The following TENM2 variants were observed in gnomAD, a reference collection of about 807,000 sequenced individuals.
TENM2 encodes the protein teneurin transmembrane protein 2.
A neutral mutation model predicts 245.2 loss-of-function variants in TENM2; 52 were observed. That is an observed-to-expected ratio of 0.21 (90% CI 0.17 to 0.27). TENM2 has a LOEUF of 0.27. Among genes scored for constraint, TENM2 ranks in the 10% least tolerant of loss-of-function variants. The pLI is 1.00. For synonymous variants in TENM2, 1,363 were observed against 1,438.9 expected, an observed-to-expected ratio of 0.95 and a Z score of 1.19; for missense variants, 3,046 against 3,666.8, an observed-to-expected ratio of 0.83 and a Z score of 4.37.
chr5:167,079,069 A>G, the TENM2 span, among the ~76,000 whole-genome samples: 4 of 152,154 alleles, frequency 2.6e-5, no homozygotes, highest in East Asian at 7.7e-4. Context: ...TGCATGCTGG[A>G]TTATTCAAAT....
intron 3 of TENM2, among the ~76,000 whole-genome samples, chr5:167,883,107 G>C (rs978374581): frequency 5.3e-5 from 8 of 152,182 alleles, no homozygotes; most frequent in African/African-American, 1.9e-4. Context: ...GTTGAGAAGA[G>C]TGGTTTTGGT....
chr5:167,657,865 C>A (rs928234090), intron 2 of TENM2, among the ~76,000 whole-genome samples: 1 of 152,288 alleles, frequency 6.6e-6, no homozygotes, highest in East Asian at 1.9e-4. Flanking sequence ...CCTGATCTAG[C>A]AGAGCATGGA....
chr5:167,695,963 G>A (rs1757737885), intron 2 of TENM2, among the ~76,000 whole-genome samples: 1 of 151,896 alleles, frequency 6.6e-6, no homozygotes, highest in Admixed American at 6.6e-5. Context: ...GAACCTGGGA[G>A]GTGGAGCTTG....
At chr5:167,932,131 T>C (rs1778336993) in intron 3 of TENM2, among the ~76,000 whole-genome samples, 1 of 152,180 alleles carries the variant, frequency 6.6e-6, no homozygotes, top group Admixed American at 6.5e-5. Context: ...GAGTGTTAAC[T>C]TCTGTGAGGC....
the TENM2 span, among the ~76,000 whole-genome samples, chr5:166,989,252 C>CTTTTTT: frequency 3.5e-5 from 2 of 56,962 alleles, no homozygotes; most frequent in Non-Finnish European, 5.9e-5. Flanking sequence ...CCAAGCTAAT[C>CTTTTTT]TTTTTTTTTT....
chr5:167,758,249 C>T (rs1289728260), intron 2 of TENM2, among the ~76,000 whole-genome samples: 1 of 152,090 alleles, frequency 6.6e-6, no homozygotes, highest in Non-Finnish European at 1.5e-5. Context: ...GAGATTTGTC[C>T]CAGTTTACCA....
At chr5:168,257,619 T>C (rs1299696796) in intron 27 of TENM2, among the ~76,000 whole-genome samples, 23 of 146,108 alleles carry the variant, frequency 1.6e-4, no homozygotes, top group African/African-American at 6.0e-4. Flanking sequence ...CTCCTGATTT[T>C]TTTTTTTTTT....
the TENM2 span, among the ~76,000 whole-genome samples, chr5:167,160,115 T>C: frequency 6.6e-6 from 1 of 152,340 alleles, no homozygotes; most frequent in South Asian, 2.1e-4. Flanking sequence ...GACACTTTTC[T>C]ACAGCCATGT....
intron 2 of TENM2, among the ~76,000 whole-genome samples, chr5:167,499,848 G>GTGTC (rs1769057849): frequency 6.6e-6 from 1 of 150,448 alleles, no homozygotes; most frequent in Non-Finnish European, 1.5e-5. Context: ...GAGGGTGTAT[G>GTGTC]TGTGTGTGTG....
chr5:166,996,062 G>A, the TENM2 span, among the ~76,000 whole-genome samples: 1 of 151,822 alleles, frequency 6.6e-6, no homozygotes, highest in Non-Finnish European at 1.5e-5. Context: ...AATAATTTTT[G>A]GCTGGGCGCA....
At chr5:167,337,123 CAAAAAAAAAAAAAAAAAA>C (rs71591174) in intron 1 of TENM2, among the ~76,000 whole-genome samples, 2 of 56,668 alleles carry the variant, frequency 3.5e-5, no homozygotes, top group African/African-American at 8.9e-5. Context: ...GACTCCGTCT[CAAAAAAAAAAAAAAAAAA>C]AAAAAAAAAA....
chr5:167,548,100 T>C (rs1169425627), intron 2 of TENM2, among the ~76,000 whole-genome samples: 2 of 152,234 alleles, frequency 1.3e-5, no homozygotes, highest in East Asian at 3.8e-4. Context: ...AATAGATACA[T>C]TTGTAAAATG....
At chr5:167,022,554 A>G in the TENM2 span, among the ~76,000 whole-genome samples, 1 of 152,230 alleles carries the variant, frequency 6.6e-6, no homozygotes, top group Non-Finnish European at 1.5e-5. Flanking sequence ...TAAATCTAGC[A>G]ACTCAACTCA....
chr5:167,182,718 A>G, the TENM2 span, among the ~76,000 whole-genome samples: 2 of 152,026 alleles, frequency 1.3e-5, no homozygotes, highest in African/African-American at 4.8e-5. Flanking sequence ...GTGTGCCTAC[A>G]ATTTCTTATG....
At chr5:167,552,854 T>C (rs1202680507) in intron 2 of TENM2, among the ~76,000 whole-genome samples, 1 of 152,204 alleles carries the variant, frequency 6.6e-6, no homozygotes, top group Non-Finnish European at 1.5e-5. Flanking sequence ...ATTTGACAAA[T>C]ACTTAGTAAA....
chr5:167,582,725 A>G (rs1018079056), intron 2 of TENM2, among the ~76,000 whole-genome samples: 1 of 152,210 alleles, frequency 6.6e-6, no homozygotes. Flanking sequence ...ATAGTTTATT[A>G]TAACAGGCTG....
At chr5:167,012,800 C>A in the TENM2 span, among the ~76,000 whole-genome samples, 1 of 152,014 alleles carries the variant, frequency 6.6e-6, no homozygotes, top group East Asian at 1.9e-4. Context: ...TCCCTTTTAC[C>A]AAGCATATAC....
the TENM2 span, among the ~76,000 whole-genome samples, chr5:167,107,066 G>A: frequency 4.6e-5 from 6 of 131,244 alleles, no homozygotes; most frequent in South Asian, 2.4e-4. Context: ...GCAGCATGGC[G>A]AAACCCCATC....
chr5:168,238,253 A>AGAAAAGAAAAGAAAG (rs1562321130), intron 25 of TENM2, among the ~76,000 whole-genome samples: 2 of 146,934 alleles, frequency 1.4e-5, no homozygotes, highest in African/African-American at 5.1e-5. Context: ...AGAAAAGAAA[A>AGAAAAGAAAAGAAAG]GAAAAGAAAA....
Sources: allele counts gnomAD v4.1 joint callset (sites outside exome capture counted in the v4.1 genomes callset), GRCh38; gene constraint gnomAD v4.1.1; transcripts MANE v1.5; gene names NCBI Gene and HGNC (gene_info 2026-07-23, HGNC 2026-07-21).